MILR1: variants seen among roughly 807,000 people sequenced by gnomAD.
The protein encoded by MILR1 is allergin-1.
In MILR1, 31 loss-of-function variants were observed where a neutral mutation model predicts 18.5. The observed-to-expected ratio is 1.68, with a 90% CI of 1.26 to 2.26. MILR1 has a LOEUF of 2.26. Ranked by LOEUF, MILR1 falls within the 30% of genes most tolerant of loss-of-function variation. MILR1 has a pLI of 0.00. For missense variants in MILR1, 257 were observed against 157.4 expected (o/e 1.63, Z -3.38); for synonymous variants, 85 against 56.2 (o/e 1.51, Z -2.30).
intron 5 of MILR1, among the ~76,000 whole-genome samples, chr17:64,461,316 C>T (rs1190015152): frequency 2.0e-5 from 3 of 151,886 alleles, no homozygotes; most frequent in Non-Finnish European, 2.9e-5. Flanking sequence ...GGTACGATCT[C>T]GGCTCACTGC....
At chr17:64,487,887 T>C in the MILR1 span, among the ~76,000 whole-genome samples, 267 of 152,184 alleles carry the variant, frequency 1.8e-3, 1 homozygote, top group African/African-American at 6.3e-3. Flanking sequence ...TTTTTGAAAA[T>C]TGGATATCCA....
the MILR1 span, chr17:64,492,994 A>G: frequency 3.7e-4 from 593 of 1,614,122 alleles, no homozygotes; most frequent in Non-Finnish European, 4.7e-4. Context: ...TACCAGATCC[A>G]GGCAATTAAC....
At chr17:64,496,525 A>G in the MILR1 span, 1 of 1,613,644 alleles carries the variant, frequency 6.2e-7, no homozygotes, top group Non-Finnish European at 8.5e-7. Context: ...TTTCTGCAGA[A>G]ACTAACCTGA....
the MILR1 span, among the ~76,000 whole-genome samples, chr17:64,494,832 C>G: frequency 1.3e-5 from 2 of 152,164 alleles, no homozygotes; most frequent in South Asian, 4.1e-4. Context: ...TTCCCTAACC[C>G]CAGACCCGGA....
At chr17:64,491,740 G>A in the MILR1 span, 5 of 775,450 alleles carry the variant, frequency 6.4e-6, no homozygotes, top group African/African-American at 8.7e-5. Context: ...TTCATCTACT[G>A]CCTTTCCTAC....
chr17:64,465,793 G>GT (rs1172432522), intron 6 of MILR1, among the ~76,000 whole-genome samples: 125 of 149,942 alleles, frequency 8.3e-4, no homozygotes, highest in African/African-American at 1.9e-3. Flanking sequence ...CCATGATTTT[G>GT]TTTTTTTTTC....
chr17:64,452,716 A>G lies in MILR1; in HGVS notation c.217A>G (p.Lys73Glu). Residue 73 changes from lysine to glutamate, a missense_variant, in exon 3 of 10, where the codon AAG (lysine) becomes GAG (glutamate). Transcript: ENST00000619286. The stretch of plus-strand genomic sequence containing the variant: ...GATCACCTATTCATTGTTTCGACGT[A>G]AGACACACCTGGGAACCCAGGATGG... ...LQITYSLFRR[K>E]THLGTQDGKG... 4 of 475,250 alleles carry G rather than the reference A, an allele frequency of 8.4e-6. No homozygotes were observed. Among genetic ancestry groups the G allele is most frequent in the Non-Finnish European group, 1.5e-5 (4 of 258,994 alleles). The allele number at this position is 475,250 out of a possible 1,614,324, so 29.4% of individuals were successfully genotyped here. A position where few individuals can be genotyped will look rare whatever the true frequency, so the allele number is the denominator to read the frequency against.
At chr17:64,484,680 G>A in the MILR1 span, among the ~76,000 whole-genome samples, 2 of 152,136 alleles carry the variant, frequency 1.3e-5, no homozygotes, top group African/African-American at 4.8e-5. Context: ...GAAGTGGAGT[G>A]TAAGAAAAAG....
chr17:64,473,616 T>A (rs1335457370), downstream of MILR1, among the ~76,000 whole-genome samples: 1 of 152,108 alleles, frequency 6.6e-6, no homozygotes, highest in Non-Finnish European at 1.5e-5. Context: ...ACCTAAGGAT[T>A]TCATGACTCC....
the MILR1 span, chr17:64,496,860 T>C: frequency 1.9e-6 from 3 of 1,613,622 alleles, no homozygotes; most frequent in Non-Finnish European, 2.5e-6. Context: ...TTGGGGCTAC[T>C]CCTTTCCGTC....
chr17:64,456,062 A>T (rs28561911), intron 3 of MILR1, among the ~76,000 whole-genome samples: 7,012 of 149,832 alleles, frequency 0.047, 555 homozygotes, highest in African/African-American at 0.16. Flanking sequence ...GAAAGTAAAT[A>T]AAAAAAAAAT....
Position 64,452,878 on chromosome 17 carries a change from G to T in MILR1, c.367+12G>T, listed in dbSNP as rs911034993. ...CTTCACGATTGTCGGTAAGTAGAGT[G>T]CCTGTTCCTTGGAGCCCCTATAATT... is the stretch of plus-strand genomic sequence containing the variant. On this transcript the variant is annotated intron_variant, in intron 3 of 9. Coordinates refer to ENST00000619286, the MANE Select transcript of MILR1 (RefSeq NM_001085423.2). The T allele has an allele frequency of 4.2e-6, 2 of 474,700 alleles. No individual in the cohort carries two copies. Among genetic ancestry groups the T allele is most frequent in the South Asian group, 1.4e-4 (2 of 14,748 alleles). 29.4% of individuals were successfully genotyped at this position (474,700 alleles called of 1,614,324 possible).
At chr17:64,451,335 T>C (rs2037166878) in intron 2 of MILR1, among the ~76,000 whole-genome samples, 1 of 151,294 alleles carries the variant, frequency 6.6e-6, no homozygotes, top group African/African-American at 2.4e-5. Flanking sequence ...AGAGACAGGG[T>C]TTCACCATTT....
chr17:64,497,086 T>A, the MILR1 span: 2 of 1,099,004 alleles, frequency 1.8e-6, no homozygotes, highest in South Asian at 1.3e-5. Flanking sequence ...GTGAGCGTGC[T>A]TGCGGGCGGC....
the MILR1 span, among the ~76,000 whole-genome samples, chr17:64,475,945 C>T: frequency 6.6e-6 from 1 of 151,076 alleles, no homozygotes; most frequent in Non-Finnish European, 1.5e-5. Flanking sequence ...TCCCAAGTAG[C>T]TGGGATTACA....
At chr17:64,465,866 A>C (rs1325166796) in intron 6 of MILR1, among the ~76,000 whole-genome samples, 9 of 152,122 alleles carry the variant, frequency 5.9e-5, no homozygotes, top group African/African-American at 1.7e-4. Context: ...TGTGTTTCAC[A>C]GTCTTTCACG....
the MILR1 span, among the ~76,000 whole-genome samples, chr17:64,486,298 A>G: frequency 2.0e-5 from 3 of 152,172 alleles, no homozygotes; most frequent in Admixed American, 6.5e-5. Context: ...AATTTTTTCA[A>G]TAGCCCTACA....
At chr17:64,461,380 T>C (rs2037429064) in intron 5 of MILR1, among the ~76,000 whole-genome samples, 1 of 152,112 alleles carries the variant, frequency 6.6e-6, no homozygotes, top group African/African-American at 2.4e-5. Context: ...CCCAAGAAGC[T>C]GGGATTACAG....
chr17:64,496,436 G>A, the MILR1 span: 12 of 1,587,776 alleles, frequency 7.6e-6, no homozygotes, highest in African/African-American at 4.0e-5. Context: ...TAGTTTCCCA[G>A]AAGTTTTTAA....
Sources: allele counts gnomAD v4.1 joint callset (sites outside exome capture counted in the v4.1 genomes callset), GRCh38; gene constraint gnomAD v4.1.1; transcripts MANE v1.5; gene names NCBI Gene and HGNC (gene_info 2026-07-23, HGNC 2026-07-21).